SLC12A1: variants seen among roughly 807,000 people sequenced by gnomAD.
SLC12A1 encodes Na-K-2Cl cotransporter.
Under a neutral mutation model 130.4 loss-of-function variants are expected in SLC12A1, and 89 were observed. That is an observed-to-expected ratio of 0.68 (90% CI 0.58 to 0.81). The LOEUF (loss-of-function observed/expected upper bound fraction) is 0.81, where lower values mean the gene tolerates loss of function less well. SLC12A1 is among the 40% of genes least tolerant of loss of function. The pLI is 0.00. For synonymous variants in SLC12A1, 499 were observed against 460.0 expected (o/e 1.08, Z -1.09); for missense variants, 1,310 against 1,336.4 (o/e 0.98, Z 0.31).
intron 2 of SLC12A1, among the ~76,000 whole-genome samples, chr15:48,219,058 C>A (rs2041164417): frequency 6.6e-6 from 1 of 152,178 alleles, no homozygotes; most frequent in Non-Finnish European, 1.5e-5. Flanking sequence ...ATACTACCAA[C>A]TTCTTATTTC....
intron 11 of SLC12A1, among the ~76,000 whole-genome samples, chr15:48,246,421 G>A (rs934264018): frequency 5.3e-5 from 8 of 152,104 alleles, no homozygotes; most frequent in South Asian, 2.1e-4. Context: ...GATATATTGC[G>A]GGTGAGCATT....
intron 17 of SLC12A1, among the ~76,000 whole-genome samples, chr15:48,267,170 C>A (rs1293717684): frequency 6.6e-6 from 1 of 152,192 alleles, no homozygotes. Flanking sequence ...TGAAATTAGG[C>A]TCCAGCTGAG....
At position 48,274,599 on chromosome 15, in the gene SLC12A1, G is replaced by A; in HGVS notation, c.2431G>A (p.Val811Ile). ...TGCATTTGATTTTGAGATTGGCGTG[G>A]TTATAGTCAGAATCAGCCAAGGATT... is the stretch of plus-strand genomic sequence containing the variant. ...HDAFDFEIGV[V>I]IVRISQGFDI... The change falls in exon 20 of 27, where the codon GTT becomes ATT. Residue 811 changes from valine (V) to isoleucine (I), a missense_variant. Physicochemically the swap from Val to Ile is conservative, Grantham distance 29. Transcript: ENST00000380993. 3 of 1,613,140 alleles carry A rather than the reference G, an allele frequency of 1.9e-6. No homozygotes were observed. In the South Asian group the frequency reaches 3.3e-5, roughly 18 times the overall value.
chr15:48,238,406 A>G (rs1384769115), intron 9 of SLC12A1, among the ~76,000 whole-genome samples: 6 of 152,186 alleles, frequency 3.9e-5, no homozygotes, highest in Non-Finnish European at 8.8e-5. Context: ...AAGACAGAAG[A>G]GGTTTGAGGC....
intron 16 of SLC12A1, 74 bp from the exon 17 acceptor site, chr15:48,259,126 C>A: frequency 1.0e-6 from 1 of 961,824 alleles, no homozygotes; most frequent in Non-Finnish European, 1.7e-6. Context: ...CTGTACCTGT[C>A]ATCCCACTGG....
chr15:48,255,723 T>C (rs1356269328), intron 15 of SLC12A1, 88 bp from the exon 16 acceptor site: 12 of 842,830 alleles, frequency 1.4e-5, no homozygotes, highest in Admixed American at 1.0e-4. Context: ...CCAAGGAAAA[T>C]CATAGAAGGG....
intron 19 of SLC12A1, among the ~76,000 whole-genome samples, chr15:48,270,773 TATATATATATATAC>T (rs879848654): frequency 5.1e-5 from 5 of 99,004 alleles, no homozygotes; most frequent in East Asian, 2.6e-4. Context: ...TATATATATA[TATATATATATATAC>T]ACACACACAC....
intron 15 of SLC12A1, among the ~76,000 whole-genome samples, chr15:48,255,211 G>A (rs2041692610): frequency 6.6e-6 from 1 of 152,192 alleles, no homozygotes; most frequent in South Asian, 2.1e-4. Flanking sequence ...AGACCGAGAT[G>A]GGTGGATCAC....
intron 2 of SLC12A1, among the ~76,000 whole-genome samples, chr15:48,218,831 C>A (rs1331427113): frequency 6.6e-6 from 1 of 152,086 alleles, no homozygotes; most frequent in Admixed American, 6.5e-5. Flanking sequence ...CACAAAGGGC[C>A]TGGTAAAAGC....
intron 20 of SLC12A1, among the ~76,000 whole-genome samples, chr15:48,277,480 T>C: frequency 6.6e-6 from 1 of 152,156 alleles, no homozygotes; most frequent in Non-Finnish European, 1.5e-5. Context: ...ATGGTTTACT[T>C]CTAAAAGCAA....
At chr15:48,231,466 A>T (rs1269870717) in intron 7 of SLC12A1, among the ~76,000 whole-genome samples, 1 of 152,242 alleles carries the variant, frequency 6.6e-6, no homozygotes, top group Non-Finnish European at 1.5e-5. Context: ...AAGTTTAGTT[A>T]GCAGTAGAGG....
intron 26 of SLC12A1, 137 bp from the exon 27 acceptor site, chr15:48,302,613 C>T (rs994666637): frequency 2.4e-6 from 1 of 415,168 alleles, no homozygotes; most frequent in Non-Finnish European, 3.7e-6. Flanking sequence ...GGCGACAGAG[C>T]GAGACTCCGT....
intron 10 of SLC12A1, among the ~76,000 whole-genome samples, chr15:48,244,455 T>G (rs1050637231): frequency 1.3e-5 from 2 of 152,200 alleles, no homozygotes; most frequent in Non-Finnish European, 2.9e-5. Context: ...GTATGTGTTA[T>G]GTACCAAGCA....
At chr15:48,302,476 C>G (rs929230768) in intron 26 of SLC12A1, among the ~76,000 whole-genome samples, 5 of 150,384 alleles carry the variant, frequency 3.3e-5, no homozygotes, top group African/African-American at 1.2e-4. Context: ...AAAAATTAGC[C>G]GGGCGCGGTG....
chr15:48,271,563 T>C (rs2041898997), intron 19 of SLC12A1, among the ~76,000 whole-genome samples: 1 of 152,210 alleles, frequency 6.6e-6, no homozygotes, highest in South Asian at 2.1e-4. Flanking sequence ...TTAGTTCTAC[T>C]GAAAGGAAGC....
At chr15:48,278,274 T>C (rs950004698) in intron 20 of SLC12A1, among the ~76,000 whole-genome samples, 1 of 152,252 alleles carries the variant, frequency 6.6e-6, no homozygotes, top group African/African-American at 2.4e-5. Context: ...GAGCACTTAT[T>C]ATGTGCCATC....
chr15:48,227,424 A>G (rs1182607662), intron 5 of SLC12A1: 2 of 508,102 alleles, frequency 3.9e-6, no homozygotes, highest in Non-Finnish European at 7.1e-6. Context: ...GTAAGAAGGT[A>G]TGGAATATTA....
rs760567019 is a variant in SLC12A1 at position 48,247,372 on chromosome 15, G to A, written c.1596G>A (p.Gln532=). ...AGGACAACATCTACAAAGCCCTGCA[G>A]TTTTTTGCAAAGGGATATGGGAAAA... ...LCKDNIYKAL[Q]FFAKGYGKNN... Residue 532 remains glutamine, a synonymous_variant, in exon 13 of 27, where the codon CAG becomes CAA. Coordinates refer to ENST00000380993, the MANE Select transcript of SLC12A1 (RefSeq NM_000338.3). The A allele has an allele frequency of 5.6e-6, 9 of 1,613,392 alleles. No individual in the cohort carries two copies. The highest frequency in any genetic ancestry group is 8.5e-7 in the Non-Finnish European group (1 of 1,179,656).
intron 14 of SLC12A1, among the ~76,000 whole-genome samples, chr15:48,251,020 T>C (rs939558770): frequency 2.0e-5 from 3 of 152,026 alleles, no homozygotes; most frequent in African/African-American, 7.2e-5. Flanking sequence ...CATTAACACA[T>C]TGGGTTTAAG....
Sources: allele counts gnomAD v4.1 joint callset (sites outside exome capture counted in the v4.1 genomes callset), GRCh38; gene constraint gnomAD v4.1.1; transcripts MANE v1.5; gene names NCBI Gene and HGNC (gene_info 2026-07-23, HGNC 2026-07-21).